Variants in THEMIS observed in about 807,000 individuals in gnomAD.
THEMIS encodes the protein thymocyte selection associated.
In THEMIS, 37 loss-of-function variants were observed where a neutral mutation model predicts 52.6. The observed-to-expected ratio is 0.70, with a 90% CI of 0.54 to 0.93. The LOEUF is 0.93. Among genes scored for constraint, THEMIS ranks in the 40% least tolerant of loss-of-function variants. The pLI is 0.00. For missense variants in THEMIS, 808 were observed against 763.1 expected, an observed-to-expected ratio of 1.06 and a Z score of -0.69; for synonymous variants, 292 against 272.7, an observed-to-expected ratio of 1.07 and a Z score of -0.70.
chr6:127,902,453 C>T (rs1781166594), upstream of THEMIS, among the ~76,000 whole-genome samples: 1 of 151,792 alleles, frequency 6.6e-6, no homozygotes, highest in Non-Finnish European at 1.5e-5. Flanking sequence ...TGGCCTTAGG[C>T]TGCAGAGAGC....
intron 2 of THEMIS, among the ~76,000 whole-genome samples, chr6:127,854,324 A>G (rs1779527688): frequency 6.6e-6 from 1 of 151,716 alleles, no homozygotes; most frequent in Non-Finnish European, 1.5e-5. Context: ...TGTGACAGAG[A>G]CCCTCTGGCC....
At chr6:127,886,667 A>G (rs928581695) in intron 1 of THEMIS, among the ~76,000 whole-genome samples, 2 of 152,100 alleles carry the variant, frequency 1.3e-5, no homozygotes, top group African/African-American at 4.8e-5. Flanking sequence ...CTCGGACATG[A>G]AAGTATAGAT....
At chr6:127,833,911 G>A (rs1423780937) in intron 2 of THEMIS, among the ~76,000 whole-genome samples, 3 of 152,030 alleles carry the variant, frequency 2.0e-5, no homozygotes, top group African/African-American at 4.8e-5. Context: ...ATAATAACAA[G>A]GATGTTTAAG....
At chr6:127,904,223 A>G (rs545550159), upstream of THEMIS, among the ~76,000 whole-genome samples, 19 of 152,164 alleles carry the variant, frequency 1.2e-4, no homozygotes, top group Non-Finnish European at 2.2e-4. Context: ...TTTTCCCCTT[A>G]AAATTTTTTT....
intron 1 of THEMIS, among the ~76,000 whole-genome samples, chr6:127,916,782 T>G (rs578193492): frequency 1.3e-5 from 2 of 152,250 alleles, no homozygotes; most frequent in Non-Finnish European, 2.9e-5. Flanking sequence ...CGGTTTCTGT[T>G]GCTCACAGCC....
In THEMIS at chr6:127,870,854, C is replaced by T. The variant is rs142804392; in HGVS notation, c.92-15666G>A. Among the ~76,000 whole-genome samples, 99 of 152,222 alleles carry T rather than the reference C, an allele frequency of 6.5e-4. No homozygotes were observed. The Middle Eastern group carries it at 0.014, about 21-fold the overall frequency. On this transcript the variant is annotated intron_variant, in intron 1 of 5. Coordinates refer to ENST00000368248, the MANE Select transcript of THEMIS (RefSeq NM_001010923.3). Reference sequence around the variant, plus strand: ...AGAAATATGTAAAGCAGAAACTGCTCTAACTAAAAAGAGAAATAGACAAAT... The same window carrying T: ...AGAAATATGTAAAGCAGAAACTGCTTTAACTAAAAAGAGAAATAGACAAAT...
chr6:127,754,148 A>T (rs1255068751), intron 4 of THEMIS, among the ~76,000 whole-genome samples: 1 of 152,170 alleles, frequency 6.6e-6, no homozygotes, highest in East Asian at 1.9e-4. Flanking sequence ...AATGCTTTAC[A>T]AAACATACAT....
intron 4 of THEMIS, among the ~76,000 whole-genome samples, chr6:127,770,129 T>A (rs150906930): frequency 0.022 from 3,418 of 152,310 alleles, 140 homozygotes; most frequent in African/African-American, 0.079. Context: ...ATCCTTTGGG[T>A]ATATACCCAG....
chr6:127,712,789 T>A (rs373981158), intron 5 of THEMIS, among the ~76,000 whole-genome samples: 1 of 151,966 alleles, frequency 6.6e-6, no homozygotes, highest in Admixed American at 6.6e-5. Flanking sequence ...ATCTTTTTAA[T>A]AATAACTTAC....
rs746454521 is a variant in THEMIS, at chr6:127,813,397, TTTTC to T, written c.1240_1243del (p.Glu414LysfsTer21). On this transcript the variant is annotated frameshift_variant, in exon 4 of 6. Coordinates refer to ENST00000368248, the MANE Select transcript of THEMIS (RefSeq NM_001010923.3). LOFTEE classifies it high-confidence loss of function. ...AGCCTCATAGGACTTTTTGAGGATT[TTTTC>T]ACAGGCCAGAACATTCACCACTTTT... 8.7e-6 allele frequency: 14 copies of T among 1,613,662 alleles called. No individual in the cohort carries two copies. Among genetic ancestry groups the T allele is most frequent in the Non-Finnish European group, 1.0e-5 (12 of 1,179,868 alleles).
At position 127,709,348 on chromosome 6, in the gene THEMIS, A is replaced by C. The variant is rs1773896173; in HGVS notation, c.*637T>G. On this transcript the variant is annotated 3_prime_UTR_variant, in exon 6 of 6. Coordinates refer to ENST00000368248, the MANE Select transcript of THEMIS (RefSeq NM_001010923.3). ...TCAGTCATGAGCTTGTTGTTGGGTC[A>C]TAGAAGAGAAGGTTATGGAAAACTC... 6.6e-6 allele frequency: 1 copy of C among 152,070 alleles called. No homozygotes were observed. Among genetic ancestry groups the C allele is most frequent in the Non-Finnish European group, 1.5e-5 (1 of 67,978 alleles). The allele number at this position is 152,070 out of a possible 1,614,324, so 9.4% of individuals were successfully genotyped here.
the THEMIS span, among the ~76,000 whole-genome samples, chr6:127,703,070 C>T: frequency 1.9e-4 from 7 of 37,312 alleles, no homozygotes; most frequent in Admixed American, 6.8e-4. Context: ...TTTTTTGAGA[C>T]GGAGTCTCGC....
chr6:127,813,840 C>G lies in THEMIS; in HGVS notation c.801G>C (p.Leu267=). ...DSYDANWFLQ[L]LSTEDLFEMT... ...TTTCAAAAAGATCTTCTGTTGATAA[C>G]AGCTGAAGAAACCAGTTAGCATCGT... Residue 267 remains leucine, a synonymous_variant, in exon 4 of 6, where the codon CTG becomes CTC. Transcript: ENST00000368248. 1 of 1,613,740 alleles carries G rather than the reference C, an allele frequency of 6.2e-7. No individual in the cohort carries two copies. Among genetic ancestry groups the G allele is most frequent in the Non-Finnish European group, 8.5e-7 (1 of 1,179,864 alleles).
chr6:127,755,014 T>C (rs1775773339), intron 4 of THEMIS, among the ~76,000 whole-genome samples: 1 of 150,950 alleles, frequency 6.6e-6, no homozygotes, highest in South Asian at 2.1e-4. Context: ...CATTCATTCT[T>C]TTTTTTTTAA....
At chr6:127,784,154 C>T (rs6902009) in intron 4 of THEMIS, among the ~76,000 whole-genome samples, 23,134 of 152,032 alleles carry the variant, frequency 0.15, 1,977 homozygotes, top group African/African-American at 0.23. Flanking sequence ...CCAAACACCG[C>T]ATATTGTCAC....
chr6:127,790,505 G>A (rs1777120550), intron 4 of THEMIS, among the ~76,000 whole-genome samples: 1 of 152,080 alleles, frequency 6.6e-6, no homozygotes, highest in African/African-American at 2.4e-5. Flanking sequence ...ATTTTCTTTT[G>A]ATATATATTT....
At chr6:127,717,263 T>A (rs1774201345) in intron 5 of THEMIS, among the ~76,000 whole-genome samples, 1 of 150,978 alleles carries the variant, frequency 6.6e-6, no homozygotes, top group Non-Finnish European at 1.5e-5. Context: ...AAAGGAATAG[T>A]CTTAAATAAC....
Position 127,797,066 on chromosome 6 carries a change from T to A in THEMIS, c.1758+15817A>T, listed in dbSNP as rs558491277. Among the ~76,000 whole-genome samples the A allele has an allele frequency of 6.6e-5, 10 of 152,338 alleles. No homozygotes were observed. The East Asian group carries it at 1.7e-3, about 26-fold the overall frequency. ...GTAGCTTAATCCCACTTGAGTTTTT[T>A]AAGTCTACAGAAGAGAAGCAAGTAT... On this transcript the variant is annotated intron_variant, in intron 4 of 5. Transcript: ENST00000368248.
chr6:127,906,794 T>C (rs934771127), intron 1 of THEMIS, among the ~76,000 whole-genome samples: 3 of 152,076 alleles, frequency 2.0e-5, no homozygotes, highest in Admixed American at 1.3e-4. Flanking sequence ...GTTAGTATCA[T>C]TATTGCCAAT....
Sources: allele counts gnomAD v4.1 joint callset (sites outside exome capture counted in the v4.1 genomes callset), GRCh38; gene constraint gnomAD v4.1.1; transcripts MANE v1.5; gene names NCBI Gene and HGNC (gene_info 2026-07-23, HGNC 2026-07-21).